Variants in ACTL6B observed in about 807,000 individuals in gnomAD.
ACTL6B encodes the protein actin like 6B, also known as actin-like protein 6B.
In ACTL6B, 48 loss-of-function variants were observed where a neutral mutation model predicts 63.3. That is an observed-to-expected ratio of 0.76 (90% CI 0.60 to 0.96). The LOEUF (loss-of-function observed/expected upper bound fraction) is 0.96. ACTL6B is among the 50% of genes least tolerant of loss of function. The probability of loss-of-function intolerance (pLI) is 0.00; values close to 1 mark genes in which losing one functional copy is unlikely to be tolerated. For missense variants in ACTL6B, 350 were observed against 572.2 expected (o/e 0.61, Z 3.96); for synonymous variants, 230 against 223.8 (o/e 1.03, Z -0.25).
intron 4 of ACTL6B, among the ~76,000 whole-genome samples, chr7:100,654,547 A>G (rs949019113): frequency 4.0e-5 from 6 of 151,568 alleles, no homozygotes; most frequent in Admixed American, 3.3e-4. Context: ...TTGGGAGGCC[A>G]AGGCGGGTGG....
Position 100,647,612 on chromosome 7 carries a change from T to A in ACTL6B, c.670-79A>T. The A allele has an allele frequency of 9.1e-7, 1 of 1,095,508 alleles. No homozygotes were observed. Among genetic ancestry groups the A allele is most frequent in the Non-Finnish European group, 1.3e-6 (1 of 754,202 alleles). The allele number at this position is 1,095,508 out of a possible 1,614,324, so 67.9% of individuals were successfully genotyped here. ...CCACCTTCCTGGCACTGTTCCCAGC[T>A]CTGCAGCTACCTGGCGCTGCAGGCT... is the stretch of plus-strand genomic sequence containing the variant. On this transcript the variant is annotated intron_variant, in intron 7 of 13. Coordinates refer to ENST00000160382, the MANE Select transcript of ACTL6B (RefSeq NM_016188.5). This position sits in a 1 kb window ranked among gnomAD's most constrained non-coding sequence, Gnocchi z 4.4.
chr7:100,651,564 A>G (rs548052112), intron 4 of ACTL6B, among the ~76,000 whole-genome samples: 1 of 151,256 alleles, frequency 6.6e-6, no homozygotes, highest in South Asian at 2.1e-4. Context: ...AAAAAAAAAA[A>G]GTTTTTTTTT....
Position 100,647,665 on chromosome 7 carries a change from C to T in ACTL6B, c.670-132G>A. 1 of 649,366 alleles carries T rather than the reference C, an allele frequency of 1.5e-6. No homozygotes were observed. The highest frequency in any genetic ancestry group is 2.7e-5 in the East Asian group (1 of 37,084). 40.2% of individuals were successfully genotyped at this position (649,366 alleles called of 1,614,324 possible). ...GCTGTGCTGCCTGCAAGAGGGGTTT[C>T]TCACCCTTCCCTGATGGAGAGGAGA... On this transcript the variant is annotated intron_variant, in intron 7 of 13. Transcript: ENST00000160382. The surrounding 1 kb of genome is among the most constrained non-coding windows in gnomAD (Gnocchi z 4.4).
In ACTL6B at chr7:100,646,868, C is replaced by T. The variant is rs2131333500; in HGVS notation, c.937-37G>A. On this transcript the variant is annotated intron_variant, in intron 10 of 13. Coordinates refer to ENST00000160382, the MANE Select transcript of ACTL6B (RefSeq NM_016188.5). This position sits in a 1 kb window ranked among gnomAD's most constrained non-coding sequence, Gnocchi z 6.1. ...GGTGACTGGGGCTGTGGGCTCTCTC[C>T]CCCTTCCCCCCAGACCCCTGCAATC... The T allele has an allele frequency of 6.2e-7, 1 of 1,601,790 alleles. No individual in the cohort carries two copies. The highest frequency in any genetic ancestry group is 1.1e-5 in the South Asian group (1 of 90,120).
At chr7:100,654,071 C>T (rs1421859177) in intron 4 of ACTL6B, among the ~76,000 whole-genome samples, 3 of 151,616 alleles carry the variant, frequency 2.0e-5, no homozygotes, top group Non-Finnish European at 4.4e-5. Flanking sequence ...CTCCCGGGTT[C>T]ACGCCATTCT....
At chr7:100,645,585 C>T (rs1803805502) in intron 13 of ACTL6B, among the ~76,000 whole-genome samples, 1 of 152,070 alleles carries the variant, frequency 6.6e-6, no homozygotes, top group African/African-American at 2.4e-5. Flanking sequence ...GTGGGTGTAT[C>T]ACCAAAATCT....
At position 100,655,241 on chromosome 7, in the gene ACTL6B, GC is replaced by G. The variant is rs1191148034; in HGVS notation, c.269-123del. On this transcript the variant is annotated intron_variant, in intron 3 of 13. Transcript: ENST00000160382. This position sits in a 1 kb window ranked among gnomAD's most constrained non-coding sequence, Gnocchi z 4.4. The stretch of plus-strand genomic sequence containing the variant: ...TCAGTGAGTCCAGCTCCAGGGGAAC[GC>G]CCCCCTTCCCAGAAACCTGGTGGGC... The G allele has an allele frequency of 4.3e-6, 5 of 1,166,854 alleles. No homozygotes were observed. The highest frequency in any genetic ancestry group is 4.7e-5 in the East Asian group (2 of 42,330). The allele number at this position is 1,166,854 out of a possible 1,614,324, so 72.3% of individuals were successfully genotyped here.
intron 4 of ACTL6B, 101 bp downstream of exon 4, chr7:100,654,918 G>A (rs1804008789): frequency 1.0e-6 from 1 of 973,110 alleles, no homozygotes; most frequent in South Asian, 1.5e-5. Flanking sequence ...GAAGGGAAGT[G>A]GCTCAGAGCA....
chr7:100,650,655 A>G (rs1477819613), intron 4 of ACTL6B, among the ~76,000 whole-genome samples: 1 of 152,158 alleles, frequency 6.6e-6, no homozygotes, highest in Non-Finnish European at 1.5e-5. Flanking sequence ...TGGACAACAT[A>G]GTGAGATGCT....
At chr7:100,644,180 G>A (rs759442778) in intron 13 of ACTL6B, among the ~76,000 whole-genome samples, 1 of 152,186 alleles carries the variant, frequency 6.6e-6, no homozygotes, top group African/African-American at 2.4e-5. Flanking sequence ...GATTACAAGC[G>A]TGAGCCACCG....
chr7:100,654,022 G>A (rs1803991202), intron 4 of ACTL6B, among the ~76,000 whole-genome samples: 1 of 151,792 alleles, frequency 6.6e-6, no homozygotes, highest in African/African-American at 2.4e-5. Flanking sequence ...GCCCAGGCTG[G>A]AGTGCAGTGG....
At position 100,647,491 on chromosome 7, in the gene ACTL6B, C is replaced by CCTT. The variant is rs755552228; in HGVS notation, c.709_711dup (p.Lys237dup). ...GACTTGGAGACCTGGGGTAGCTTCT[C>CCTT]CTTCTTCTTCCAGTTTGGGGGGGCA... On this transcript the variant is annotated inframe_insertion, in exon 8 of 14. Transcript: ENST00000160382. This position sits in a 1 kb window ranked among gnomAD's most constrained non-coding sequence, Gnocchi z 4.4. The CCTT allele has an allele frequency of 1.9e-6, 3 of 1,611,020 alleles. No individual in the cohort carries two copies. In the Admixed American group the frequency reaches 5.0e-5, roughly 27 times the overall value.
At position 100,656,342 on chromosome 7, in the gene ACTL6B, C is replaced by T. The variant is rs1804039452; in HGVS notation, c.13G>A (p.Val5Ile). The change falls in exon 1 of 14, where the codon GTC (valine) becomes ATC (isoleucine). Residue 5 changes from valine to isoleucine, a missense_variant. By Grantham distance (29) the Val-to-Ile change is conservative (BLOSUM62 3). Transcript: ENST00000160382. ...GAGGCTCGCTCACCTCCGCCGTAGA[C>T]GCCCCCGCTCATAGTGCCCGCTGCG... MSGG[V>I]YGGDEVGALV... The T allele has an allele frequency of 7.3e-7, 1 of 1,377,308 alleles. No individual in the cohort carries two copies. Among genetic ancestry groups the T allele is most frequent in the Non-Finnish European group, 9.4e-7 (1 of 1,060,070 alleles). 85.3% of individuals were successfully genotyped at this position (1,377,308 alleles called of 1,614,324 possible).
chr7:100,647,214 C>G lies in ACTL6B; in HGVS notation c.821+9G>C. On this transcript the variant is annotated intron_variant, in intron 9 of 13. Coordinates refer to ENST00000160382, the MANE Select transcript of ACTL6B (RefSeq NM_016188.5). The surrounding 1 kb of genome is among the most constrained non-coding windows in gnomAD (Gnocchi z 4.4). ...TCTCTCCCACCCCAAAGCCCTGAGC[C>G]ACACTCACTGTTCATCGTAGGGGGA... is the stretch of plus-strand genomic sequence containing the variant. The G allele has an allele frequency of 6.2e-7, 1 of 1,613,536 alleles. No homozygotes were observed. The highest frequency in any genetic ancestry group is 8.5e-7 in the Non-Finnish European group (1 of 1,179,944).
rs1803828255 is a variant in ACTL6B at position 100,646,686 on chromosome 7, C to T, written c.1018-40G>A. 6.2e-7 allele frequency: 1 copy of T among 1,613,048 alleles called. No homozygotes were observed. Among genetic ancestry groups the T allele is most frequent in the Admixed American group, 1.7e-5 (1 of 59,980 alleles). On this transcript the variant is annotated intron_variant, in intron 11 of 13. Transcript: ENST00000160382. The surrounding 1 kb of genome is among the most constrained non-coding windows in gnomAD (Gnocchi z 6.1). ...AAGGAGTGAGCTGCGGGGGCAGCCC[C>T]CCAACCCCGTCTCCCCACTTCCCCT...
intron 1 of ACTL6B, 22 bp downstream of exon 1, chr7:100,656,308 C>A: frequency 7.2e-7 from 1 of 1,379,608 alleles, no homozygotes; most frequent in Non-Finnish European, 9.4e-7. Context: ...CTGCGGGAGC[C>A]GGGGGCCCGA....
Position 100,643,252 on chromosome 7 carries a change from G to T in ACTL6B, c.1275C>A (p.Cys425Ter), listed in dbSNP as rs1584466132. Residue 425 changes from cysteine to a stop codon, truncating the protein, a stop_gained, in exon 14 of 14, where the codon TGC (cysteine) becomes TGA (stop). Coordinates refer to ENST00000160382, the MANE Select transcript of ACTL6B (RefSeq NM_016188.5). LOFTEE classifies it high-confidence loss of function. The stretch of plus-strand genomic sequence containing the variant: ...TGTGTGGGGAGGAGTGCCATCAGGG[G>T]CACTTTCGCTCCACGCACTGCTTCC... Reference protein sequence around the residue: ...EGGKQCVERKCP With the variant: ...EGGKQCVERK 1.9e-6 allele frequency: 3 copies of T among 1,613,838 alleles called. No homozygotes were observed. Among genetic ancestry groups the T allele is most frequent in the Non-Finnish European group, 2.5e-6 (3 of 1,179,964 alleles).
At chr7:100,656,307 C>T (rs1001428080) in intron 1 of ACTL6B, 23 bp downstream of exon 1, 12 of 1,378,476 alleles carry the variant, frequency 8.7e-6, no homozygotes, top group Non-Finnish European at 1.1e-5. Context: ...GCTGCGGGAG[C>T]CGGGGGCCCG....
At position 100,656,445 on chromosome 7, in the gene ACTL6B, ACT is replaced by A; in HGVS notation, c.-93_-92del. On this transcript the variant is annotated 5_prime_UTR_variant, in exon 1 of 14. Coordinates refer to ENST00000160382, the MANE Select transcript of ACTL6B (RefSeq NM_016188.5). ...CTCCCGGGATCCCTGGCGGGGCGGG[ACT>A]CTCAGCGGCCAATTGGGAGGCCGGA... 8.1e-7 allele frequency: 1 copy of A among 1,242,168 alleles called. No homozygotes were observed. Among genetic ancestry groups the A allele is most frequent in the Non-Finnish European group, 1.0e-6 (1 of 985,712 alleles). The allele number at this position is 1,242,168 out of a possible 1,614,324, so 76.9% of individuals were successfully genotyped here.
Sources: gnomAD v4.1 joint callset for allele counts (sites outside exome capture counted in the v4.1 genomes callset) on GRCh38, gnomAD v4.1.1 for gene constraint, Gnocchi (gnomAD v3.1) non-coding constraint, MANE v1.5 for transcripts, NCBI Gene and HGNC (gene_info 2026-07-23, HGNC 2026-07-21) for gene names.